The following RETREG1 variants were observed in gnomAD, a reference collection of about 807,000 sequenced individuals.
RETREG1 encodes family with sequence similarity 134 member B.
A neutral mutation model predicts 54.8 loss-of-function variants in RETREG1; 44 were observed. The ratio of observed to expected loss-of-function variants is 0.80; its 90% CI spans 0.63 to 1.03. The LOEUF is 1.03. Ranked by LOEUF, RETREG1 falls within the 50% of genes least tolerant of loss-of-function variation. RETREG1 has a pLI of 0.00. For missense variants in RETREG1, 554 were observed against 605.1 expected (o/e 0.92, Z 0.89); for synonymous variants, 217 against 238.5 (o/e 0.91, Z 0.83).
At chr5:16,488,901 G>A (rs538742884) in intron 3 of RETREG1, among the ~76,000 whole-genome samples, 40 of 151,994 alleles carry the variant, frequency 2.6e-4, no homozygotes, top group African/African-American at 9.4e-4. Flanking sequence ...TGCCCAACAC[G>A]GTGAAACCCC....
chr5:16,541,800 A>AAGGAAG (rs1741262392), intron 3 of RETREG1, among the ~76,000 whole-genome samples: 1 of 142,094 alleles, frequency 7.0e-6, no homozygotes, highest in Admixed American at 7.1e-5. Flanking sequence ...AAGGAAGGAA[A>AAGGAAG]GGAAGGAAGG....
rs1738428824 is a variant in RETREG1 at position 16,474,341 on chromosome 5, C to T, written c.*400G>A. ...GGAAGCTGGTAACAGCATGTATTCA[C>T]AATTAATTGTTAATATTTTTCAGTA... is the stretch of plus-strand genomic sequence containing the variant. On this transcript the variant is annotated 3_prime_UTR_variant, in exon 9 of 9. Transcript: ENST00000306320. 1 of 175,330 alleles carries T rather than the reference C, an allele frequency of 5.7e-6. No individual in the cohort carries two copies. Among genetic ancestry groups the T allele is most frequent in the African/African-American group, 2.4e-5 (1 of 41,570 alleles). The allele number at this position is 175,330 out of a possible 1,614,324, so 10.9% of individuals were successfully genotyped here. A position where few individuals can be genotyped will look rare whatever the true frequency, so the allele number is the denominator to read the frequency against.
At chr5:16,505,182 G>A (rs1739900091) in intron 3 of RETREG1, among the ~76,000 whole-genome samples, 1 of 152,150 alleles carries the variant, frequency 6.6e-6, no homozygotes, top group African/African-American at 2.4e-5. Context: ...CGCAAAACTG[G>A]TATTACTAAA....
chr5:16,525,972 T>C (rs773269208), intron 3 of RETREG1, among the ~76,000 whole-genome samples: 2 of 152,192 alleles, frequency 1.3e-5, no homozygotes, highest in Admixed American at 1.3e-4. Context: ...CTTCAATTAA[T>C]TGGATGAGGC....
In RETREG1 at chr5:16,502,115, C is replaced by A. The variant is rs368787661; in HGVS notation, c.459-18643G>T. On this transcript the variant is annotated intron_variant, in intron 3 of 8. Transcript: ENST00000306320. ...GGGACTACAGGCGCCCGCCACCACG[C>A]CTGGCTCATTTTTTGTGTATTTTTA... 2.6e-4 allele frequency among the ~76,000 whole-genome samples: 39 copies of A among 152,140 alleles called. No homozygotes were observed. In the East Asian group the frequency reaches 5.8e-3, roughly 23 times the overall value.
intron 3 of RETREG1, among the ~76,000 whole-genome samples, chr5:16,526,826 C>T (rs535937766): frequency 5.3e-5 from 8 of 152,362 alleles, no homozygotes; most frequent in South Asian, 2.1e-4. Flanking sequence ...GTCCCCCTTA[C>T]GGAATGAAGG....
intron 3 of RETREG1, among the ~76,000 whole-genome samples, chr5:16,490,348 TA>T (rs1257173397): frequency 1.3e-5 from 2 of 152,242 alleles, no homozygotes; most frequent in East Asian, 3.8e-4. Flanking sequence ...TGAATAAACG[TA>T]ACTATTAAAA....
intron 3 of RETREG1, among the ~76,000 whole-genome samples, chr5:16,557,724 A>G (rs1386378043): frequency 3.3e-5 from 5 of 152,234 alleles, no homozygotes; most frequent in Admixed American, 1.3e-4. Context: ...CTTAGTTCCC[A>G]GGCTCGCCTA....
At chr5:16,579,532 CATA>C (rs1742426679) in intron 1 of RETREG1, among the ~76,000 whole-genome samples, 1 of 152,174 alleles carries the variant, frequency 6.6e-6, no homozygotes, top group Non-Finnish European at 1.5e-5. Flanking sequence ...TTGACAAATG[CATA>C]ATGACATATA....
intron 3 of RETREG1, among the ~76,000 whole-genome samples, chr5:16,491,435 G>A (rs1023695467): frequency 1.3e-5 from 2 of 152,056 alleles, no homozygotes; most frequent in Non-Finnish European, 2.9e-5. Context: ...CATCTATGAG[G>A]CACATAAAAA....
intron 3 of RETREG1, among the ~76,000 whole-genome samples, chr5:16,484,049 T>A (rs1190622732): frequency 6.6e-6 from 1 of 152,090 alleles, no homozygotes; most frequent in Non-Finnish European, 1.5e-5. Context: ...ACAATGTATT[T>A]TCAATATATA....
intron 3 of RETREG1, among the ~76,000 whole-genome samples, chr5:16,558,991 C>G (rs1437681727): frequency 5.9e-5 from 9 of 152,164 alleles, no homozygotes; most frequent in African/African-American, 1.9e-4. Flanking sequence ...ATGTTGTGCT[C>G]AAGGATTTAA....
Position 16,474,773 on chromosome 5 carries a change from C to T in RETREG1, c.1462G>A (p.Gly488Ser), listed in dbSNP as rs1284097803. Residue 488 changes from glycine (G) to serine (S), a missense_variant, in exon 9 of 9, where the codon GGT (glycine) becomes AGT (serine). This residue lies in a region of RETREG1 where 30 missense variants were observed against 32.4 expected (regional missense o/e 0.93). Transcript: ENST00000306320. ...CCTCCCAGCAGATTTGAAAGGAAAC[C>T]TGAAGACTTCTTATTTTGCTGTGCT... Reference protein sequence around the residue: ...AEAQQNKKSSGFLSNLLGGH With the variant: ...AEAQQNKKSSSFLSNLLGGH 3 of 1,612,822 alleles carry T rather than the reference C, an allele frequency of 1.9e-6. No individual in the cohort carries two copies. The highest frequency in any genetic ancestry group is 1.3e-5 in the African/African-American group (1 of 74,618).
At chr5:16,509,406 A>G (rs1338371224) in intron 3 of RETREG1, 1 of 152,128 alleles carries the variant, frequency 6.6e-6, no homozygotes, top group Non-Finnish European at 1.5e-5. Context: ...TCTCCCCAGG[A>G]CTTCCCTGTC....
At chr5:16,590,793 A>C (rs928566217) in intron 1 of RETREG1, among the ~76,000 whole-genome samples, 16 of 152,052 alleles carry the variant, frequency 1.1e-4, no homozygotes, top group African/African-American at 3.6e-4. Flanking sequence ...CACACACACA[A>C]ACACACACAA....
intron 2 of RETREG1, among the ~76,000 whole-genome samples, chr5:16,570,775 A>C (rs1742152089): frequency 6.6e-6 from 1 of 152,170 alleles, no homozygotes; most frequent in Non-Finnish European, 1.5e-5. Context: ...GTGTGTGGTA[A>C]ACAAGTATCA....
intron 3 of RETREG1, among the ~76,000 whole-genome samples, chr5:16,497,830 G>T (rs1739529531): frequency 2.0e-5 from 3 of 152,090 alleles, no homozygotes; most frequent in Admixed American, 2.0e-4. Flanking sequence ...ATAGGAGTTG[G>T]CATGAGAGAA....
intron 1 of RETREG1, among the ~76,000 whole-genome samples, chr5:16,603,589 TGAG>T (rs1389862806): frequency 6.6e-6 from 1 of 152,032 alleles, no homozygotes; most frequent in Non-Finnish European, 1.5e-5. Flanking sequence ...GCAGAGTGGG[TGAG>T]AAGAGGCACT....
chr5:16,497,298 C>T (rs145490245), intron 3 of RETREG1, among the ~76,000 whole-genome samples: 1 of 152,322 alleles, frequency 6.6e-6, no homozygotes, highest in African/African-American at 2.4e-5. Flanking sequence ...AGCCCGTTCT[C>T]TTCCAGATGA....
Sources: allele counts gnomAD v4.1 joint callset (sites outside exome capture counted in the v4.1 genomes callset), GRCh38; gene constraint gnomAD v4.1.1; regional missense constraint gnomAD v4.1.1; transcripts MANE v1.5; gene names NCBI Gene and HGNC (gene_info 2026-07-23, HGNC 2026-07-21).